SNF8: variants seen among roughly 807,000 people sequenced by gnomAD.
The protein encoded by SNF8 is SNF8 subunit of ESCRT-II.
In SNF8, 19 loss-of-function variants were observed where a neutral mutation model predicts 36.8. That is an observed-to-expected ratio of 0.52 (90% CI 0.36 to 0.76). SNF8 has a LOEUF of 0.76. Ranked by LOEUF, SNF8 falls within the 30% of genes least tolerant of loss-of-function variation. SNF8 has a pLI of 0.00. For missense variants in SNF8, 268 were observed against 322.9 expected, an observed-to-expected ratio of 0.83 and a Z score of 1.30; for synonymous variants, 127 against 127.4, an observed-to-expected ratio of 1.00 and a Z score of 0.02.
chr17:48,944,372 G>A (rs567850454), intron 1 of SNF8, among the ~76,000 whole-genome samples: 1 of 152,386 alleles, frequency 6.6e-6, no homozygotes, highest in South Asian at 2.1e-4. Flanking sequence ...CACAGCTTTG[G>A]GATGAAAAGA....
intron 3 of SNF8, among the ~76,000 whole-genome samples, chr17:48,939,392 T>C (rs1442692037): frequency 6.6e-6 from 1 of 151,762 alleles, no homozygotes; most frequent in Non-Finnish European, 1.5e-5. Context: ...GTGGGCTGAT[T>C]GCACCAATGC....
At chr17:48,935,373 C>T (rs1323797854) in intron 5 of SNF8, among the ~76,000 whole-genome samples, 1 of 151,940 alleles carries the variant, frequency 6.6e-6, no homozygotes, top group Non-Finnish European at 1.5e-5. Flanking sequence ...ATTAGCCGGG[C>T]GTGGTGGCGG....
chr17:48,930,494 G>C lies in SNF8; in HGVS notation c.758C>G (p.Ala253Gly). 6.2e-7 allele frequency: 1 copy of C among 1,608,506 alleles called. No individual in the cohort carries two copies. Among genetic ancestry groups the C allele is most frequent in the Non-Finnish European group, 8.5e-7 (1 of 1,177,832 alleles). The change falls in exon 8 of 8, where the codon GCC (alanine) becomes GGC (glycine). Residue 253 changes from alanine to glycine, a missense_variant. Transcript: ENST00000502492. ...ATGCAGTCAGGGGAGGGCTTCTCTG[G>C]CCTCCTCAGCTGTAATCTCCTGGGA... ...LYSQEITAEE[A>G]REALP
intron 3 of SNF8, among the ~76,000 whole-genome samples, chr17:48,939,729 A>G (rs2040992377): frequency 6.6e-6 from 1 of 151,976 alleles, no homozygotes; most frequent in Admixed American, 6.6e-5. Context: ...AAGTGCTGGG[A>G]TTACAGGCGT....
chr17:48,940,809 G>A, intron 3 of SNF8, 115 bp downstream of exon 3: 1 of 1,213,942 alleles, frequency 8.2e-7, no homozygotes. Context: ...GCATCCTCTG[G>A]GTCTTCCTGC....
intron 5 of SNF8, chr17:48,934,625 G>C: frequency 6.4e-6 from 1 of 156,706 alleles, no homozygotes; most frequent in Non-Finnish European, 1.4e-5. Context: ...AAAAAAAGTA[G>C]AGATGACGTC....
intron 5 of SNF8, chr17:48,934,518 CAT>C: frequency 5.3e-6 from 1 of 188,532 alleles, no homozygotes; most frequent in Non-Finnish European, 1.1e-5. Flanking sequence ...GCAGAAGAAT[CAT>C]TTGAACCCAG....
chr17:48,930,499 C>T lies in SNF8; in HGVS notation c.753G>A (p.Glu251=), dbSNP rs370318176. ...GTCAGGGGAGGGCTTCTCTGGCCTCCTCAGCTGTAATCTCCTGGGAGTAGA... is the reference window on the plus strand; with the variant it reads ...GTCAGGGGAGGGCTTCTCTGGCCTCTTCAGCTGTAATCTCCTGGGAGTAGA... The part of the protein sequence containing the change: ...TDLYSQEITA[E]EAREALP Residue 251 remains glutamate, a synonymous_variant, in exon 8 of 8, where the codon GAG becomes GAA. Coordinates refer to ENST00000502492, the MANE Select transcript of SNF8 (RefSeq NM_007241.4). 2.4e-5 allele frequency: 38 copies of T among 1,610,196 alleles called. No homozygotes were observed. The highest frequency in any genetic ancestry group is 3.1e-5 in the Non-Finnish European group (36 of 1,178,792).
At chr17:48,942,337 CAAAA>C (rs199516410) in intron 2 of SNF8, among the ~76,000 whole-genome samples, 2 of 113,412 alleles carry the variant, frequency 1.8e-5, no homozygotes, top group South Asian at 2.9e-4. Flanking sequence ...AACTTGGTCT[CAAAA>C]AAAAAAAAAA....
At chr17:48,939,037 T>A (rs1036688183) in intron 3 of SNF8, among the ~76,000 whole-genome samples, 1 of 151,610 alleles carries the variant, frequency 6.6e-6, no homozygotes, top group Non-Finnish European at 1.5e-5. Flanking sequence ...GGCGGGTGGA[T>A]CACGAGGTCA....
intron 5 of SNF8, 167 bp from the exon 6 acceptor site, chr17:48,933,513 G>C: frequency 1.4e-6 from 1 of 703,806 alleles, no homozygotes; most frequent in South Asian, 1.9e-5. Flanking sequence ...TGCCCACATT[G>C]AGAAGACTGC....
intron 5 of SNF8, chr17:48,933,611 A>G: frequency 2.6e-6 from 1 of 378,006 alleles, no homozygotes; most frequent in East Asian, 5.2e-5. Flanking sequence ...CATGGTGGCA[A>G]TCGCCTATAA....
chr17:48,936,274 AAG>A (rs2040933155), intron 4 of SNF8, 32 bp from the exon 5 acceptor site: 1 of 1,536,910 alleles, frequency 6.5e-7, no homozygotes, highest in Non-Finnish European at 9.0e-7. Context: ...AAATCAGAAA[AAG>A]AGATTACCCA....
At chr17:48,932,462 CTG>C (rs1311282129) in intron 6 of SNF8, 2 of 152,062 alleles carry the variant, frequency 1.3e-5, no homozygotes, top group African/African-American at 4.8e-5. Context: ...ATAAAGGAAA[CTG>C]GGCCGGGTGC....
rs1023327545 is a variant in SNF8, at chr17:48,929,527, C to G, written c.*948G>C. On this transcript the variant is annotated 3_prime_UTR_variant, in exon 8 of 8. Transcript: ENST00000502492. ...CTGGCCTCTTCCCTCATCACCACTT[C>G]TACTTGCTATAGGAGATTCTTGCTT... 3 of 152,174 alleles carry G rather than the reference C, an allele frequency of 2.0e-5. No individual in the cohort carries two copies. Among genetic ancestry groups the G allele is most frequent in the African/African-American group, 4.8e-5 (2 of 41,432 alleles). The allele number at this position is 152,174 out of a possible 1,614,324, so 9.4% of individuals were successfully genotyped here.
intron 5 of SNF8, among the ~76,000 whole-genome samples, chr17:48,934,315 C>CT (rs869207502): frequency 1.8e-3 from 262 of 142,832 alleles, no homozygotes; most frequent in Middle Eastern, 0.011. Flanking sequence ...TATCACTTTC[C>CT]TTTTTTTTTT....
In SNF8 at chr17:48,936,186, C is replaced by T. The variant is rs144625875; in HGVS notation, c.406G>A (p.Ala136Thr). Residue 136 changes from alanine (A) to threonine (T), a missense_variant, in exon 5 of 8, where the codon GCC becomes ACC. By Grantham distance (58) the Ala-to-Thr change is moderately conservative. Transcript: ENST00000502492. The stretch of plus-strand genomic sequence containing the variant: ...AAGACCTACTGACTGACATCCTGGG[C>T]GAACTTGCCCCTTCCCTTCAACACC... Reference protein sequence around the residue: ...QQVLKGRGKFAQDVSQDDLIR... With the variant: ...QQVLKGRGKFTQDVSQDDLIR... The T allele has an allele frequency of 1.1e-4, 182 of 1,613,706 alleles. 4 individuals are homozygous for T. In the South Asian group the frequency reaches 1.4e-3, roughly 13 times the overall value.
Position 48,944,824 on chromosome 17 carries a change from C to T in SNF8, c.-90G>A, listed in dbSNP as rs2041083163. ...CCGCCGGCTCCCCAAGGCGGAAGCC[C>T]GAGCCGCGCGTCATCTGCACGCGCC... On this transcript the variant is annotated 5_prime_UTR_variant, in exon 1 of 8. Transcript: ENST00000502492. 7.1e-7 allele frequency: 1 copy of T among 1,403,282 alleles called. No homozygotes were observed. The highest frequency in any genetic ancestry group is 1.6e-5 in the South Asian group (1 of 63,434). 86.9% of individuals were successfully genotyped at this position (1,403,282 alleles called of 1,614,324 possible).
At chr17:48,944,459 G>C (rs768280016) in intron 1 of SNF8, among the ~76,000 whole-genome samples, 66 of 152,362 alleles carry the variant, frequency 4.3e-4, no homozygotes, top group Non-Finnish European at 7.1e-4. Context: ...AGATTTGTGA[G>C]TAGAATCCCA....
Sources: allele counts gnomAD v4.1 joint callset (sites outside exome capture counted in the v4.1 genomes callset), GRCh38; gene constraint gnomAD v4.1.1; transcripts MANE v1.5; gene names NCBI Gene and HGNC (gene_info 2026-07-23, HGNC 2026-07-21).